Variants in PRKG1 observed in about 807,000 individuals in gnomAD.
PRKG1 encodes the protein cGMP-dependent protein kinase 1.
In PRKG1, 35 loss-of-function variants were observed where a neutral mutation model predicts 88.1. The observed-to-expected ratio is 0.40, with a 90% CI of 0.30 to 0.53. The LOEUF is 0.53. PRKG1 is among the 20% of genes least tolerant of loss of function. PRKG1 has a pLI of 0.59. For missense variants in PRKG1, 540 were observed against 839.8 expected, an observed-to-expected ratio of 0.64 and a Z score of 4.41; for synonymous variants, 303 against 292.5, an observed-to-expected ratio of 1.04 and a Z score of -0.37.
chr10:51,942,933 C>T (rs553312180), intron 5 of PRKG1, among the ~76,000 whole-genome samples: 6 of 151,590 alleles, frequency 4.0e-5, no homozygotes, highest in Admixed American at 2.6e-4. Flanking sequence ...CTTGGCGATG[C>T]GGGCTCTGTT....
At chr10:52,010,062 T>C (rs1468685220) in intron 5 of PRKG1, among the ~76,000 whole-genome samples, 1 of 152,056 alleles carries the variant, frequency 6.6e-6, no homozygotes, top group Non-Finnish European at 1.5e-5. Flanking sequence ...CCTAAAACTA[T>C]AAAACTCATG....
intron 4 of PRKG1, among the ~76,000 whole-genome samples, chr10:51,875,509 G>A (rs1419128814): frequency 6.6e-6 from 1 of 152,042 alleles, no homozygotes; most frequent in East Asian, 1.9e-4. Context: ...CTGAGCTCAG[G>A]AGATTCTCCA....
chr10:51,104,583 G>A (rs1426460407), intron 1 of PRKG1, among the ~76,000 whole-genome samples: 6 of 151,530 alleles, frequency 4.0e-5, no homozygotes, highest in African/African-American at 1.5e-4. Context: ...GCAGTGGTGC[G>A]ATCTCTGCTC....
At chr10:51,534,677 A>AAAC (rs1842101414) in intron 3 of PRKG1, among the ~76,000 whole-genome samples, 1 of 150,974 alleles carries the variant, frequency 6.6e-6, no homozygotes, top group African/African-American at 2.4e-5. Flanking sequence ...AAAAAAAAAA[A>AAAC]AAAAAGAAAG....
At chr10:51,941,048 A>G (rs1469480570) in intron 5 of PRKG1, among the ~76,000 whole-genome samples, 1 of 151,888 alleles carries the variant, frequency 6.6e-6, no homozygotes, top group African/African-American at 2.4e-5. Context: ...AAATCACTCT[A>G]TTTTATTAAA....
chr10:51,428,757 C>T (rs1223869057), intron 2 of PRKG1, among the ~76,000 whole-genome samples: 2 of 152,132 alleles, frequency 1.3e-5, no homozygotes, highest in African/African-American at 2.4e-5. Flanking sequence ...GTGAAAAAAA[C>T]GCATGCCCCT....
intron 3 of PRKG1, among the ~76,000 whole-genome samples, chr10:51,617,823 G>C (rs1839100110): frequency 6.6e-6 from 1 of 152,090 alleles, no homozygotes; most frequent in Admixed American, 6.5e-5. Flanking sequence ...CTGTTTCTCT[G>C]TATCCTGCTT....
chr10:51,638,900 A>T (rs532221303), intron 3 of PRKG1, among the ~76,000 whole-genome samples: 1 of 152,226 alleles, frequency 6.6e-6, no homozygotes, highest in African/African-American at 2.4e-5. Context: ...AATACCTTAA[A>T]TGGCCCATAG....
chr10:51,317,356 AAGT>A (rs1342876142), intron 2 of PRKG1, among the ~76,000 whole-genome samples: 1 of 152,206 alleles, frequency 6.6e-6, no homozygotes, highest in Non-Finnish European at 1.5e-5. Context: ...GAAAAATATA[AAGT>A]AGTCACAAAT....
At chr10:51,294,356 T>C (rs1840662806) in intron 2 of PRKG1, among the ~76,000 whole-genome samples, 1 of 152,212 alleles carries the variant, frequency 6.6e-6, no homozygotes, top group African/African-American at 2.4e-5. Flanking sequence ...TCAGGCCTTA[T>C]GCTTAAGTCT....
intron 5 of PRKG1, among the ~76,000 whole-genome samples, chr10:51,911,564 A>C (rs1842217494): frequency 2.6e-5 from 4 of 152,192 alleles, no homozygotes; most frequent in Admixed American, 1.3e-4. Context: ...TTAAAATGGA[A>C]ACAGATTATT....
chr10:52,191,500 G>T (rs1315687716), intron 9 of PRKG1, among the ~76,000 whole-genome samples: 1 of 151,938 alleles, frequency 6.6e-6, no homozygotes, highest in Non-Finnish European at 1.5e-5. Context: ...CATTTGTCCT[G>T]GTGTAAATCC....
chr10:51,281,471 C>G (rs559185172), intron 2 of PRKG1, among the ~76,000 whole-genome samples: 1 of 152,172 alleles, frequency 6.6e-6, no homozygotes, highest in Admixed American at 6.5e-5. Context: ...TCATTGCTAG[C>G]ACAGCAGTCT....
At chr10:51,501,299 C>A (rs936656056) in intron 3 of PRKG1, among the ~76,000 whole-genome samples, 1 of 152,074 alleles carries the variant, frequency 6.6e-6, no homozygotes, top group Non-Finnish European at 1.5e-5. Context: ...AGGGAACAAC[C>A]AGATAAATTA....
chr10:51,348,809 C>T lies in PRKG1; in HGVS notation c.479-118914C>T, dbSNP rs577850493. Among the ~76,000 whole-genome samples, 192 of 152,324 alleles carry T rather than the reference C, an allele frequency of 1.3e-3. 2 individuals are homozygous for T. The highest frequency in any genetic ancestry group is 4.4e-3 in the African/African-American group (184 of 41,576). ...CTGAGTGAAGTGTACTGCATCCATT[C>T]TTCAGTGTGACTGGTATGTCACAAC... On this transcript the variant is annotated intron_variant, in intron 2 of 17. Transcript: ENST00000373980.
intron 2 of PRKG1, among the ~76,000 whole-genome samples, chr10:51,263,648 A>T (rs1199662608): frequency 6.6e-6 from 1 of 152,218 alleles, no homozygotes; most frequent in East Asian, 1.9e-4. Context: ...TCCGAAAGTT[A>T]CTGTGCATGT....
intron 2 of PRKG1, among the ~76,000 whole-genome samples, chr10:51,196,643 T>G (rs1170330351): frequency 6.6e-6 from 1 of 152,190 alleles, no homozygotes; most frequent in East Asian, 1.9e-4. Flanking sequence ...TATTTGGGCT[T>G]GTGAACTGTG....
intron 3 of PRKG1, among the ~76,000 whole-genome samples, chr10:51,703,694 G>A (rs1589217701): frequency 6.6e-6 from 1 of 152,288 alleles, no homozygotes; most frequent in East Asian, 1.9e-4. Flanking sequence ...CCTTGGTTCA[G>A]TGGCATCAGC....
intron 3 of PRKG1, among the ~76,000 whole-genome samples, chr10:51,796,149 C>T (rs1260941045): frequency 1.3e-5 from 2 of 152,020 alleles, no homozygotes; most frequent in East Asian, 1.9e-4. Flanking sequence ...GATGAATTCT[C>T]ACTTTGTTAT....
Sources: allele counts gnomAD v4.1 joint callset (sites outside exome capture counted in the v4.1 genomes callset), GRCh38; gene constraint gnomAD v4.1.1; transcripts MANE v1.5; gene names NCBI Gene and HGNC (gene_info 2026-07-23, HGNC 2026-07-21).